The following RNF130 variants were observed in gnomAD, a reference collection of about 807,000 sequenced individuals.
RNF130 encodes the protein ring finger protein 130, also known as E3 ubiquitin-protein ligase RNF130.
In RNF130, 21 loss-of-function variants were observed where a neutral mutation model predicts 44.6. The ratio of observed to expected loss-of-function variants is 0.47; its 90% CI spans 0.33 to 0.68. The LOEUF is 0.68. RNF130 is among the 30% of genes least tolerant of loss of function. The pLI is 0.02. For missense variants in RNF130, 479 were observed against 560.6 expected (o/e 0.85, Z 1.47); for synonymous variants, 214 against 210.4 (o/e 1.02, Z -0.15).
chr5:180,022,877 T>G (rs1763904515), intron 2 of RNF130, among the ~76,000 whole-genome samples: 1 of 152,162 alleles, frequency 6.6e-6, no homozygotes, highest in Non-Finnish European at 1.5e-5. Flanking sequence ...GAATTTTAAA[T>G]GGGTGGGAAA....
chr5:179,937,718 A>G (rs765903603), intron 7 of RNF130, among the ~76,000 whole-genome samples: 1 of 152,186 alleles, frequency 6.6e-6, no homozygotes, highest in Non-Finnish European at 1.5e-5. Context: ...CAAAGAATTG[A>G]AAACAAGGAT....
At chr5:179,951,044 T>A (rs1289061178), downstream of RNF130, among the ~76,000 whole-genome samples, 1 of 152,144 alleles carries the variant, frequency 6.6e-6, no homozygotes, top group Non-Finnish European at 1.5e-5. Context: ...AGGCCAAACA[T>A]GCTCGGCTGA....
At position 179,997,832 on chromosome 5, in the gene RNF130, T is replaced by C. The variant is rs1051027153; in HGVS notation, c.693+15229A>G. ...TATTTTTTTTTGCTTCTTCTGACTT[T>C]GGGTTTGCTTTGTTTTCACTTGTTT... On this transcript the variant is annotated intron_variant, in intron 3 of 8. Coordinates refer to ENST00000521389, the MANE Select transcript of RNF130 (RefSeq NM_018434.6). Among the ~76,000 whole-genome samples, 18 of 152,164 alleles carry C rather than the reference T, an allele frequency of 1.2e-4. 1 individual carries two copies. In the South Asian group the frequency reaches 3.5e-3, roughly 30 times the overall value.
At chr5:180,056,557 C>CA (rs1764829571) in intron 1 of RNF130, among the ~76,000 whole-genome samples, 1 of 152,126 alleles carries the variant, frequency 6.6e-6, no homozygotes, top group Non-Finnish European at 1.5e-5. Flanking sequence ...GTGTTACCGA[C>CA]AGACAGCAAA....
chr5:180,047,005 G>C (rs1419543565), intron 1 of RNF130, among the ~76,000 whole-genome samples: 2 of 102,068 alleles, frequency 2.0e-5, no homozygotes, highest in Admixed American at 1.1e-4. Flanking sequence ...TTGTGGCAAA[G>C]AGTTCTCTGT....
intron 8 of RNF130, 115 bp downstream of exon 8, chr5:179,963,356 C>A: frequency 1.4e-6 from 1 of 735,340 alleles, no homozygotes; most frequent in Non-Finnish European, 2.4e-6. Context: ...ACGATCCCAT[C>A]AGGATCCGTA....
intron 8 of RNF130, among the ~76,000 whole-genome samples, chr5:179,958,207 C>A (rs755952278): frequency 1.3e-5 from 2 of 152,174 alleles, no homozygotes; most frequent in African/African-American, 2.4e-5. Context: ...AAGTGTTTCT[C>A]AAAACTAAAG....
chr5:179,944,940 T>C (rs1468703566), intron 7 of RNF130, among the ~76,000 whole-genome samples: 4 of 152,300 alleles, frequency 2.6e-5, no homozygotes, highest in African/African-American at 9.6e-5. Context: ...AGCTTTATTT[T>C]ATCACTAATG....
chr5:179,949,267 AT>A (rs770299135), intron 7 of RNF130, among the ~76,000 whole-genome samples: 2,951 of 143,178 alleles, frequency 0.021, 57 homozygotes, highest in African/African-American at 0.057. Context: ...TGCCCAGACA[AT>A]TTTTTTTTTT....
At position 180,009,965 on chromosome 5, in the gene RNF130, T is replaced by G. The variant is rs541039317; in HGVS notation, c.693+3096A>C. On this transcript the variant is annotated intron_variant, in intron 3 of 8. Coordinates refer to ENST00000521389, the MANE Select transcript of RNF130 (RefSeq NM_018434.6). Reference sequence around the variant, plus strand: ...TACACATAACAACTTGAAAGTATCTTGGCCGGGCGCAGTGGCTCACGCCTG... The same window carrying G: ...TACACATAACAACTTGAAAGTATCTGGGCCGGGCGCAGTGGCTCACGCCTG... Among the ~76,000 whole-genome samples, 3 of 151,890 alleles carry G rather than the reference T, an allele frequency of 2.0e-5. No homozygotes were observed. In the East Asian group the frequency reaches 5.8e-4, roughly 29 times the overall value.
At chr5:179,927,493 C>T (rs753885394) in intron 7 of RNF130, among the ~76,000 whole-genome samples, 1 of 152,006 alleles carries the variant, frequency 6.6e-6, no homozygotes, top group Non-Finnish European at 1.5e-5. Context: ...CAGCGCCCTA[C>T]AAGTCCCTCC....
chr5:179,985,644 G>A (rs1400834217), intron 3 of RNF130, among the ~76,000 whole-genome samples: 6 of 152,090 alleles, frequency 3.9e-5, no homozygotes, highest in Non-Finnish European at 7.4e-5. Flanking sequence ...CCCACTATTC[G>A]GTCCTCCCTG....
chr5:179,919,028 G>A (rs1028091004), exon 8 of RNF130: 1 of 152,288 alleles, frequency 6.6e-6, no homozygotes, highest in African/African-American at 2.4e-5. Flanking sequence ...TGGGCATGTG[G>A]AGACTGGGGT....
intron 3 of RNF130, among the ~76,000 whole-genome samples, chr5:180,001,038 G>A (rs541842246): frequency 1.1e-4 from 16 of 152,142 alleles, no homozygotes; most frequent in Admixed American, 5.9e-4. Flanking sequence ...AAAGATTTTC[G>A]CCTACAGTTT....
intron 3 of RNF130, among the ~76,000 whole-genome samples, chr5:180,010,102 C>T (rs998023215): frequency 1.3e-5 from 2 of 151,876 alleles, no homozygotes; most frequent in African/African-American, 4.8e-5. Flanking sequence ...AAAAAATTAG[C>T]CAGGCACGGT....
At chr5:180,031,778 C>CT (rs1256393094) in intron 2 of RNF130, among the ~76,000 whole-genome samples, 1 of 152,188 alleles carries the variant, frequency 6.6e-6, no homozygotes, top group Non-Finnish European at 1.5e-5. Context: ...GGGAGTGGGA[C>CT]TGCTGGGTCA....
chr5:180,028,301 C>T (rs1764038996), intron 2 of RNF130, among the ~76,000 whole-genome samples: 1 of 152,086 alleles, frequency 6.6e-6, no homozygotes. Context: ...AAAGAGGCAC[C>T]ATGTGTGTCT....
At chr5:180,005,117 T>A (rs964212813) in intron 3 of RNF130, among the ~76,000 whole-genome samples, 1 of 152,122 alleles carries the variant, frequency 6.6e-6, no homozygotes, top group African/African-American at 2.4e-5. Context: ...GAATTGTATA[T>A]CACTCCACTG....
At chr5:180,051,281 G>A (rs989367386) in intron 1 of RNF130, among the ~76,000 whole-genome samples, 2 of 55,528 alleles carry the variant, frequency 3.6e-5, no homozygotes, top group South Asian at 1.2e-3. Context: ...ACAGAGTCTC[G>A]ATCTGTCACC....
Sources: gnomAD v4.1 joint callset for allele counts (sites outside exome capture counted in the v4.1 genomes callset) on GRCh38, gnomAD v4.1.1 for gene constraint, MANE v1.5 for transcripts, NCBI Gene and HGNC (gene_info 2026-07-23, HGNC 2026-07-21) for gene names.